Variants in FUBP1 observed in about 807,000 individuals in gnomAD.
The protein encoded by FUBP1 is far upstream element binding protein 1.
Under a neutral mutation model 94.9 loss-of-function variants are expected in FUBP1, and 16 were observed. The observed-to-expected ratio is 0.17, with a 90% CI of 0.11 to 0.26. The LOEUF is 0.26. FUBP1 is among the 10% of genes least tolerant of loss of function. The pLI is 1.00. For missense variants in FUBP1, 583 were observed against 808.6 expected, an observed-to-expected ratio of 0.72 and a Z score of 3.38; for synonymous variants, 279 against 254.9, an observed-to-expected ratio of 1.09 and a Z score of -0.90.
At chr1:77,975,439 T>G in intron 1 of FUBP1, among the ~76,000 whole-genome samples, 1 of 152,206 alleles carries the variant, frequency 6.6e-6, no homozygotes, top group East Asian at 1.9e-4. Context: ...AGCTCTAGTC[T>G]ATATTTTCAT....
intron 1 of FUBP1, 79 bp downstream of exon 1, chr1:77,978,806 C>T (rs1455620800): frequency 6.5e-7 from 1 of 1,547,746 alleles, no homozygotes; most frequent in Non-Finnish European, 8.9e-7. Context: ...CTTCCTCATG[C>T]GCTTAAGGGT....
In FUBP1 at chr1:77,960,193, G is replaced by T; in HGVS notation, c.1567C>A (p.Pro523Thr). 1.9e-6 allele frequency: 3 copies of T among 1,607,212 alleles called. No individual in the cohort carries two copies. The highest frequency in any genetic ancestry group is 2.6e-6 in the Non-Finnish European group (3 of 1,174,342). ...AYPHWQQQAP[P>T]DPAKAGTDPN... ...AATAAGCATCTTCTACCTGGATCAGGAGGAGCCTGCTGCTGCCAGTGTGGA... is the reference window on the plus strand; with the variant it reads ...AATAAGCATCTTCTACCTGGATCAGTAGGAGCCTGCTGCTGCCAGTGTGGA... Residue 523 changes from proline to threonine, a missense_variant, in exon 16 of 20, where the codon CCT becomes ACT. Coordinates refer to ENST00000370768, the MANE Select transcript of FUBP1 (RefSeq NM_003902.5).
chr1:77,954,596 T>A (rs1234705022), intron 18 of FUBP1, among the ~76,000 whole-genome samples: 1 of 152,194 alleles, frequency 6.6e-6, no homozygotes, highest in Non-Finnish European at 1.5e-5. Flanking sequence ...AAATCCCAAG[T>A]AGACCGTTCT....
In FUBP1 at chr1:77,970,028, A is replaced by AG; in HGVS notation, c.121-14_121-13insC. Reference sequence around the variant, plus strand: ...TTTTTGCTGCAATCTAAAAAAAAAAAAGAAAAATACCATCATAAACTATTA... The same window carrying AG: ...TTTTTGCTGCAATCTAAAAAAAAAAAGAGAAAAATACCATCATAAACTATTA... On this transcript the variant is annotated splice_polypyrimidine_tract_variant and intron_variant, in intron 1 of 19. Coordinates refer to ENST00000370768, the MANE Select transcript of FUBP1 (RefSeq NM_003902.5). 1 of 1,424,960 alleles carries AG rather than the reference A, an allele frequency of 7.0e-7. No homozygotes were observed. Among genetic ancestry groups the AG allele is most frequent in the Non-Finnish European group, 9.8e-7 (1 of 1,021,888 alleles). 88.3% of individuals were successfully genotyped at this position (1,424,960 alleles called of 1,614,324 possible).
chr1:77,958,480 A>C (rs1654881693), intron 16 of FUBP1, among the ~76,000 whole-genome samples: 1 of 152,218 alleles, frequency 6.6e-6, no homozygotes, highest in South Asian at 2.1e-4. Context: ...TAGTTCATAT[A>C]ATATTAAAAC....
Position 77,965,150 on chromosome 1 carries a change from A to G in FUBP1, c.555T>C (p.Asn185=). ...PGFHHGDGPG[N]AVQEIMIPAS... The stretch of plus-strand genomic sequence containing the variant: ...CTGGAATCATGATTTCTTGAACTGC[A>G]TTTCCCGGTCCATCGCCATGATGGA... Residue 185 remains asparagine, a synonymous_variant, in exon 8 of 20, where the codon AAT becomes AAC. Transcript: ENST00000370768. 1.2e-6 allele frequency: 2 copies of G among 1,612,580 alleles called. No individual in the cohort carries two copies. Among genetic ancestry groups the G allele is most frequent in the Non-Finnish European group, 1.7e-6 (2 of 1,178,704 alleles).
upstream of FUBP1, chr1:77,979,127 A>G (rs1440528043): frequency 1.0e-5 from 10 of 1,000,538 alleles, no homozygotes; most frequent in South Asian, 3.4e-5. Context: ...CGTGCCGTAA[A>G]GGGGCGGAGA....
chr1:77,968,088 T>C lies in FUBP1; in HGVS notation c.250+77A>G, dbSNP rs543593789. 7.1e-5 allele frequency: 64 copies of C among 897,712 alleles called. No individual in the cohort carries two copies. In the African/African-American group the frequency reaches 9.9e-4, roughly 14 times the overall value. 55.6% of individuals were successfully genotyped at this position (897,712 alleles called of 1,614,324 possible). A position where few individuals can be genotyped will look rare whatever the true frequency, so the allele number is the denominator to read the frequency against. On this transcript the variant is annotated intron_variant, in intron 3 of 19. Coordinates refer to ENST00000370768, the MANE Select transcript of FUBP1 (RefSeq NM_003902.5). ...CTCATAAACCAACTAACTTCAAAGA[T>C]ACCCAATAATATGAACAAAATCTTA...
chr1:77,959,396 T>C (rs1487275811), intron 16 of FUBP1, among the ~76,000 whole-genome samples: 1 of 152,172 alleles, frequency 6.6e-6, no homozygotes, highest in Non-Finnish European at 1.5e-5. Context: ...CATGCAGTTA[T>C]TAAATACAGG....
At chr1:77,953,310 T>C (rs1373892878) in intron 18 of FUBP1, among the ~76,000 whole-genome samples, 1 of 151,848 alleles carries the variant, frequency 6.6e-6, no homozygotes, top group Non-Finnish European at 1.5e-5. Context: ...GCCAACATGA[T>C]GAAAGCCCGT....
chr1:77,974,504 A>C (rs1557478558), intron 1 of FUBP1, among the ~76,000 whole-genome samples: 3 of 152,152 alleles, frequency 2.0e-5, no homozygotes, highest in African/African-American at 7.2e-5. Context: ...CCTGGGCTCA[A>C]GCAATCTTCC....
rs1659341333 is a variant in FUBP1, at chr1:77,979,064, G to A, written c.-60C>T. 4.0e-6 allele frequency: 6 copies of A among 1,486,600 alleles called. No individual in the cohort carries two copies. In the African/African-American group the frequency reaches 4.2e-5, roughly 11 times the overall value. The allele number at this position is 1,486,600 out of a possible 1,614,324, so 92.1% of individuals were successfully genotyped here. A position where few individuals can be genotyped will look rare whatever the true frequency, so the allele number is the denominator to read the frequency against. On this transcript the variant is annotated 5_prime_UTR_variant, in exon 1 of 20. Coordinates refer to ENST00000370768, the MANE Select transcript of FUBP1 (RefSeq NM_003902.5). ...AGACTTCCTCTCAGCTAACAGCTAA[G>A]AAAGAAAGAAAATGGCGGCCGTCGA... is the stretch of plus-strand genomic sequence containing the variant.
At position 77,966,903 on chromosome 1, in the gene FUBP1, G is replaced by C. The variant is rs1464646236; in HGVS notation, c.396C>G (p.Cys132Trp). ...QISRIQQESG[C>W]KIQIAPDSGG... Reference sequence around the variant, plus strand: ...CATTACCAGGAGCTATCTGTATTTTGCATCCAGATTCCTGTTGTATGCGTG... The same window carrying C: ...CATTACCAGGAGCTATCTGTATTTTCCATCCAGATTCCTGTTGTATGCGTG... Residue 132 changes from cysteine to tryptophan, a missense_variant, in exon 6 of 20, where the codon TGC becomes TGG. Cys to Trp is a radical substitution (Grantham distance 215). Transcript: ENST00000370768. The C allele has an allele frequency of 6.3e-7, 1 of 1,585,650 alleles. No homozygotes were observed. Among genetic ancestry groups the C allele is most frequent in the Non-Finnish European group, 8.7e-7 (1 of 1,155,676 alleles).
chr1:77,954,246 T>A (rs1052552053), intron 18 of FUBP1, among the ~76,000 whole-genome samples: 9 of 152,164 alleles, frequency 5.9e-5, no homozygotes, highest in Non-Finnish European at 1.0e-4. Context: ...CTAAAAAGGA[T>A]CCCAGTTCAG....
In FUBP1 at chr1:77,944,150, C is replaced by T. The variant is rs2102191939; in HGVS notation, c.*4616G>A. 1 of 193,788 alleles carries T rather than the reference C, an allele frequency of 5.2e-6. No homozygotes were observed. Among genetic ancestry groups the T allele is most frequent in the Admixed American group, 6.1e-5 (1 of 16,314 alleles). The allele number at this position is 193,788 out of a possible 1,614,324, so 12.0% of individuals were successfully genotyped here. Reference sequence around the variant, plus strand: ...TTACATACAATGTCATTAAAGCAAACTCTAAACCACAGTTGTAAAGTATTC... The same window carrying T: ...TTACATACAATGTCATTAAAGCAAATTCTAAACCACAGTTGTAAAGTATTC... On this transcript the variant is annotated 3_prime_UTR_variant, in exon 20 of 20. Coordinates refer to ENST00000370768, the MANE Select transcript of FUBP1 (RefSeq NM_003902.5).
chr1:77,970,655 T>C (rs1657352303), intron 1 of FUBP1, among the ~76,000 whole-genome samples: 1 of 152,170 alleles, frequency 6.6e-6, no homozygotes, highest in African/African-American at 2.4e-5. Context: ...GCTCGAGTCT[T>C]AAAAAAACCT....
At chr1:77,952,141 GGCAGAAGAATT>G (rs2102264720) in intron 18 of FUBP1, among the ~76,000 whole-genome samples, 1 of 152,152 alleles carries the variant, frequency 6.6e-6, no homozygotes, top group South Asian at 2.1e-4. Context: ...GGGAGGCTGA[GGCAGAAGAATT>G]GCTTCAACCT....
intron 1 of FUBP1, among the ~76,000 whole-genome samples, chr1:77,978,451 G>A (rs1001676800): frequency 1.3e-5 from 2 of 152,226 alleles, no homozygotes; most frequent in Non-Finnish European, 2.9e-5. Context: ...GAACGGAAAT[G>A]AGCTGTAAAG....
At chr1:77,971,402 T>C (rs1270137636) in intron 1 of FUBP1, among the ~76,000 whole-genome samples, 1 of 152,224 alleles carries the variant, frequency 6.6e-6, no homozygotes, top group Non-Finnish European at 1.5e-5. Context: ...AAGTTTTTAT[T>C]ATCATCAGAC....
Sources: gnomAD v4.1 joint callset for allele counts (sites outside exome capture counted in the v4.1 genomes callset) on GRCh38, gnomAD v4.1.1 for gene constraint, MANE v1.5 for transcripts, NCBI Gene and HGNC (gene_info 2026-07-23, HGNC 2026-07-21) for gene names.